Variants in CCSER1 observed in about 807,000 individuals in gnomAD.
CCSER1 encodes the protein serine-rich coiled-coil domain-containing protein 1.
Under a neutral mutation model 82.0 loss-of-function variants are expected in CCSER1, and 41 were observed. That is an observed-to-expected ratio of 0.50 (90% CI 0.39 to 0.65). The LOEUF (loss-of-function observed/expected upper bound fraction) is 0.65. Ranked by LOEUF, CCSER1 falls within the 30% of genes least tolerant of loss-of-function variation. CCSER1 has a pLI of 0.00. For synonymous variants in CCSER1, 414 were observed against 383.9 expected, an observed-to-expected ratio of 1.08 and a Z score of -0.92; for missense variants, 1,119 against 1,064.2, an observed-to-expected ratio of 1.05 and a Z score of -0.72.
At chr4:91,330,545 G>A (rs1447710986) in intron 10 of CCSER1, among the ~76,000 whole-genome samples, 2 of 152,070 alleles carry the variant, frequency 1.3e-5, no homozygotes, top group African/African-American at 4.8e-5. Context: ...GCTAAGTGAG[G>A]GCTTGTCTTC....
intron 1 of CCSER1, among the ~76,000 whole-genome samples, chr4:90,230,821 C>T (rs1744363411): frequency 6.6e-6 from 1 of 152,040 alleles, no homozygotes; most frequent in South Asian, 2.1e-4. Flanking sequence ...ATACAAACTA[C>T]CATCAGAGAA....
At chr4:91,353,420 T>C (rs1748614764) in intron 10 of CCSER1, among the ~76,000 whole-genome samples, 1 of 152,308 alleles carries the variant, frequency 6.6e-6, no homozygotes, top group Admixed American at 6.5e-5. Flanking sequence ...TAACGTCGGT[T>C]TCTAAGTTAT....
At chr4:91,113,202 G>C (rs551376647) in intron 10 of CCSER1, among the ~76,000 whole-genome samples, 1 of 152,288 alleles carries the variant, frequency 6.6e-6, no homozygotes, top group East Asian at 1.9e-4. Context: ...AGAGACTTAA[G>C]TACAGGAAGT....
At chr4:91,582,264 T>C (rs1763764040) in intron 10 of CCSER1, among the ~76,000 whole-genome samples, 1 of 151,570 alleles carries the variant, frequency 6.6e-6, no homozygotes, top group African/African-American at 2.4e-5. Flanking sequence ...AAGATAACTG[T>C]ACCTGACCTA....
chr4:90,266,551 T>A (rs1725264834), intron 1 of CCSER1, among the ~76,000 whole-genome samples: 1 of 152,022 alleles, frequency 6.6e-6, no homozygotes, highest in Non-Finnish European at 1.5e-5. Flanking sequence ...TTTATATTGC[T>A]AAAAGAGGCA....
Position 91,524,594 on chromosome 4 carries a change from T to C in CCSER1, c.2218-73978T>C, listed in dbSNP as rs75897656. Among the ~76,000 whole-genome samples, 818 of 152,208 alleles carry C rather than the reference T, an allele frequency of 5.4e-3. 31 individuals are homozygous for C. The East Asian group carries it at 0.11, about 21-fold the overall frequency. ...TAATTTGCTTGTAATAACCTAATGG[T>C]CGTGCCTACTGGAGGAAGATAACAA... is the stretch of plus-strand genomic sequence containing the variant. On this transcript the variant is annotated intron_variant, in intron 10 of 10. Transcript: ENST00000509176.
chr4:91,457,378 T>A (rs530418593), intron 10 of CCSER1, among the ~76,000 whole-genome samples: 1 of 152,244 alleles, frequency 6.6e-6, no homozygotes, highest in Non-Finnish European at 1.5e-5. Context: ...TCTTTAAAAT[T>A]TTAATTGGCT....
intron 1 of CCSER1, among the ~76,000 whole-genome samples, chr4:90,199,930 A>G (rs1214369861): frequency 6.6e-6 from 1 of 152,174 alleles, no homozygotes; most frequent in Non-Finnish European, 1.5e-5. Flanking sequence ...TTGCATAGCA[A>G]TTAAGTGGAA....
chr4:91,538,556 T>TAG (rs1761414704), intron 10 of CCSER1, among the ~76,000 whole-genome samples: 1 of 151,366 alleles, frequency 6.6e-6, no homozygotes, highest in Admixed American at 6.6e-5. Flanking sequence ...ACCACAGACA[T>TAG]AGAGAGGTAC....
chr4:90,717,538 A>C (rs1741840698), intron 6 of CCSER1, among the ~76,000 whole-genome samples: 1 of 152,032 alleles, frequency 6.6e-6, no homozygotes, highest in African/African-American at 2.4e-5. Context: ...GAGGCATGGA[A>C]TATGCACCAC....
chr4:91,227,450 G>T (rs78614495), intron 10 of CCSER1, among the ~76,000 whole-genome samples: 8,115 of 151,760 alleles, frequency 0.053, 286 homozygotes, highest in African/African-American at 0.1. Context: ...GTGTGTGTTT[G>T]TGTGTGTGTA....
At chr4:91,055,232 T>A (rs60319965) in intron 9 of CCSER1, among the ~76,000 whole-genome samples, 3,272 of 152,282 alleles carry the variant, frequency 0.021, 103 homozygotes, top group African/African-American at 0.073. Flanking sequence ...TAATTTAAAA[T>A]TATGCCATTT....
At chr4:90,233,134 A>G (rs1314988301) in intron 1 of CCSER1, among the ~76,000 whole-genome samples, 1 of 152,204 alleles carries the variant, frequency 6.6e-6, no homozygotes, top group Non-Finnish European at 1.5e-5. Flanking sequence ...GTATATACCC[A>G]AAGGACTATA....
At position 91,101,663 on chromosome 4, in the gene CCSER1, G is replaced by A. The variant is rs1581556406; in HGVS notation, c.2217+15669G>A. The stretch of plus-strand genomic sequence containing the variant: ...AAAAAAAAGACCAGGTTGGGGGCCT[G>A]ACAAACCCTCTACCTCCAAGCAAAA... On this transcript the variant is annotated intron_variant, in intron 10 of 10. Coordinates refer to ENST00000509176, the MANE Select transcript of CCSER1 (RefSeq NM_001145065.2). 9.3e-5 allele frequency among the ~76,000 whole-genome samples: 14 copies of A among 150,748 alleles called. No homozygotes were observed. The South Asian group carries it at 2.9e-3, about 32-fold the overall frequency.
intron 4 of CCSER1, among the ~76,000 whole-genome samples, chr4:90,436,816 T>A (rs1156232173): frequency 6.6e-6 from 1 of 152,058 alleles, no homozygotes; most frequent in East Asian, 1.9e-4. Context: ...GTTCCTTTTT[T>A]TTTTTTTTGA....
chr4:91,250,725 T>C (rs1353296671), intron 10 of CCSER1, among the ~76,000 whole-genome samples: 1 of 151,570 alleles, frequency 6.6e-6, no homozygotes, highest in Non-Finnish European at 1.5e-5. Context: ...AAAATTGAAC[T>C]TGAAGAATTT....
intron 8 of CCSER1, chr4:90,918,195 A>G (rs1157464770): frequency 2.2e-6 from 1 of 451,964 alleles, no homozygotes; most frequent in Non-Finnish European, 4.4e-6. Context: ...TGTTAATTGT[A>G]TTAATTAATG....
intron 10 of CCSER1, among the ~76,000 whole-genome samples, chr4:91,164,068 C>A (rs1731753237): frequency 6.6e-6 from 1 of 152,134 alleles, no homozygotes; most frequent in Non-Finnish European, 1.5e-5. Flanking sequence ...TGGCTGGTAC[C>A]AGTTGTTCCT....
chr4:91,472,153 C>T (rs528290127), intron 10 of CCSER1, among the ~76,000 whole-genome samples: 3 of 152,046 alleles, frequency 2.0e-5, no homozygotes, highest in African/African-American at 4.8e-5. Context: ...ATTTCCGATT[C>T]ACTTGTACTT....
Sources: gnomAD v4.1 joint callset for allele counts (sites outside exome capture counted in the v4.1 genomes callset) on GRCh38, gnomAD v4.1.1 for gene constraint, MANE v1.5 for transcripts, NCBI Gene and HGNC (gene_info 2026-07-23, HGNC 2026-07-21) for gene names.